The following GUCY1A1 variants were observed in gnomAD, a reference collection of about 807,000 sequenced individuals.
The protein encoded by GUCY1A1 is guanylate cyclase soluble subunit alpha-1.
GUCY1A1 carries 48 observed loss-of-function variants against 64.5 expected under a neutral mutation model. The ratio of observed to expected loss-of-function variants is 0.74; its 90% CI spans 0.59 to 0.95. The LOEUF is 0.95. Among genes scored for constraint, GUCY1A1 ranks in the 40% least tolerant of loss-of-function variants. The pLI is 0.00. For synonymous variants in GUCY1A1, 308 were observed against 303.4 expected, an observed-to-expected ratio of 1.02 and a Z score of -0.16; for missense variants, 804 against 825.3, an observed-to-expected ratio of 0.97 and a Z score of 0.32.
intron 3 of GUCY1A1, 131 bp from the exon 4 acceptor site, chr4:155,703,801 T>C (rs1731392379): frequency 1.6e-6 from 1 of 624,652 alleles, no homozygotes; most frequent in South Asian, 2.0e-5. Flanking sequence ...ATTCATAACA[T>C]TTATCATTCA....
intron 7 of GUCY1A1, 91 bp from the exon 8 acceptor site, chr4:155,717,068 T>A (rs987161551): frequency 7.1e-5 from 66 of 926,066 alleles, no homozygotes; most frequent in Non-Finnish European, 9.9e-5. Context: ...GCAATGAGAA[T>A]TCTGCTATAT....
intron 2 of GUCY1A1, among the ~76,000 whole-genome samples, chr4:155,669,781 A>G (rs1733875726): frequency 6.6e-6 from 1 of 152,182 alleles, no homozygotes. Context: ...ACACATTGAT[A>G]TTGCATAACT....
chr4:155,701,216 G>T lies in GUCY1A1; in HGVS notation c.256-2716G>T, dbSNP rs183440630. On this transcript the variant is annotated intron_variant, in intron 3 of 9. Transcript: ENST00000506455. ...ACAAAAATTTTCCAGAAGAGCAATG[G>T]TATAAGATGAATGTCAATTTCCATA... is the stretch of plus-strand genomic sequence containing the variant. 2.6e-4 allele frequency among the ~76,000 whole-genome samples: 39 copies of T among 152,266 alleles called. 1 individual carries two copies. The highest frequency in any genetic ancestry group is 2.6e-3 in the Admixed American group (39 of 15,294).
intron 3 of GUCY1A1, among the ~76,000 whole-genome samples, chr4:155,700,411 G>A (rs1730930458): frequency 6.6e-6 from 1 of 152,096 alleles, no homozygotes; most frequent in Non-Finnish European, 1.5e-5. Flanking sequence ...AAAACGTTAA[G>A]CACTGTAGGA....
At chr4:155,686,337 C>T (rs1331293525) in intron 2 of GUCY1A1, among the ~76,000 whole-genome samples, 6 of 152,024 alleles carry the variant, frequency 3.9e-5, no homozygotes, top group African/African-American at 1.2e-4. Flanking sequence ...AAAAATTAGC[C>T]GGGCGTGGTG....
intron 7 of GUCY1A1, among the ~76,000 whole-genome samples, chr4:155,716,263 C>T (rs1733219865): frequency 6.6e-6 from 1 of 152,084 alleles, no homozygotes; most frequent in Non-Finnish European, 1.5e-5. Context: ...AGATTTGTGC[C>T]TCCTTTCTTT....
chr4:155,693,340 A>G (rs1730000477), intron 2 of GUCY1A1, among the ~76,000 whole-genome samples: 1 of 152,122 alleles, frequency 6.6e-6, no homozygotes, highest in South Asian at 2.1e-4. Flanking sequence ...CCTGTCGCCA[A>G]ATTTATTATT....
chr4:155,707,783 C>T (rs541974519), intron 4 of GUCY1A1, among the ~76,000 whole-genome samples: 17 of 151,608 alleles, frequency 1.1e-4, no homozygotes, highest in Middle Eastern at 3.4e-3. Flanking sequence ...AATTGATAGT[C>T]AAGATTTGCT....
chr4:155,721,983 G>A (rs1372416586), intron 8 of GUCY1A1, 55 bp from the exon 9 acceptor site: 39 of 1,176,584 alleles, frequency 3.3e-5, no homozygotes, highest in Admixed American at 1.2e-4. Flanking sequence ...CGACACTGAC[G>A]AGTAGGAAGT....
Position 155,710,933 on chromosome 4 carries a change from C to T in GUCY1A1, c.768C>T (p.Ser256=), listed in dbSNP as rs143684863. The T allele has an allele frequency of 2.6e-5, 42 of 1,613,780 alleles. No individual in the cohort carries two copies. The highest frequency in any genetic ancestry group is 3.4e-5 in the Non-Finnish European group (40 of 1,179,822). Residue 256 remains serine (S), a synonymous_variant, in exon 6 of 10, where the codon TCC becomes TCT. Transcript: ENST00000506455. ...TGAATCAGCCCTACTTGTTGTACTC[C>T]GTTCACATGAAAAGCACCAAGCCAT... is the stretch of plus-strand genomic sequence containing the variant. ...EFVNQPYLLY[S]VHMKSTKPSL...
intron 9 of GUCY1A1, among the ~76,000 whole-genome samples, chr4:155,729,073 A>C (rs1735167656): frequency 6.6e-6 from 1 of 151,868 alleles, no homozygotes; most frequent in African/African-American, 2.4e-5. Flanking sequence ...TCTTCAATAC[A>C]TAGATGTTGT....
At chr4:155,718,830 G>C (rs1733598714) in intron 8 of GUCY1A1, among the ~76,000 whole-genome samples, 1 of 152,174 alleles carries the variant, frequency 6.6e-6, no homozygotes, top group African/African-American at 2.4e-5. Flanking sequence ...CTGCCCAGAA[G>C]AGAGAGGGCT....
At position 155,731,425 on chromosome 4, in the gene GUCY1A1, A is replaced by G. The variant is rs1448351481; in HGVS notation, c.*1194A>G. 2 of 151,848 alleles carry G rather than the reference A, an allele frequency of 1.3e-5. No individual in the cohort carries two copies. Among genetic ancestry groups the G allele is most frequent in the African/African-American group, 2.4e-5 (1 of 41,422 alleles). 9.4% of individuals were successfully genotyped at this position (151,848 alleles called of 1,614,324 possible). A position where few individuals can be genotyped will look rare whatever the true frequency, so the allele number is the denominator to read the frequency against. ...TCTACTTGAAATATCTTGACTTAAA[A>G]AAAACGACTGTTAGTATTGATGAAG... On this transcript the variant is annotated 3_prime_UTR_variant, in exon 10 of 10. Coordinates refer to ENST00000506455, the MANE Select transcript of GUCY1A1 (RefSeq NM_001130682.3).
rs746406538 is a variant in GUCY1A1 at position 155,722,158 on chromosome 4, C to A, written c.1837C>A (p.Pro613Thr). Residue 613 changes from proline to threonine, a missense_variant, in exon 9 of 10, where the codon CCA becomes ACA. Physicochemically the swap from Pro to Thr is conservative, Grantham distance 38. Coordinates refer to ENST00000506455, the MANE Select transcript of GUCY1A1 (RefSeq NM_001130682.3). ...LANKFESCSVPRKINVSPTTY... is the reference protein window; with the variant it reads ...LANKFESCSVTRKINVSPTTY... ...TAACAAATTTGAGTCCTGCAGTGTA[C>A]CACGAAAAATCAATGTCAGCCCAAC... is the stretch of plus-strand genomic sequence containing the variant. 1 of 1,612,404 alleles carries A rather than the reference C, an allele frequency of 6.2e-7. No homozygotes were observed. Among genetic ancestry groups the A allele is most frequent in the Admixed American group, 1.7e-5 (1 of 59,920 alleles).
chr4:155,717,109 T>C (rs1733343457), intron 7 of GUCY1A1, 50 bp from the exon 8 acceptor site: 6 of 1,270,262 alleles, frequency 4.7e-6, no homozygotes, highest in Non-Finnish European at 5.3e-6. Context: ...ATGTAGGCTG[T>C]GATTCTTCCT....
rs1735594399 is a variant in GUCY1A1 at position 155,731,921 on chromosome 4, C to G, written c.*1690C>G. 1.3e-5 allele frequency: 2 copies of G among 151,662 alleles called. No homozygotes were observed. The highest frequency in any genetic ancestry group is 6.6e-5 in the Admixed American group (1 of 15,176). 9.4% of individuals were successfully genotyped at this position (151,662 alleles called of 1,614,324 possible). On this transcript the variant is annotated 3_prime_UTR_variant, in exon 10 of 10. Coordinates refer to ENST00000506455, the MANE Select transcript of GUCY1A1 (RefSeq NM_001130682.3). The stretch of plus-strand genomic sequence containing the variant: ...CAGGACTGACTTTGACTCAATAAAC[C>G]ACTCAGCCTATTATTGGAAAGTGCC...
intron 3 of GUCY1A1, among the ~76,000 whole-genome samples, chr4:155,697,566 A>T (rs960641408): frequency 2.0e-5 from 3 of 152,148 alleles, no homozygotes; most frequent in African/African-American, 7.2e-5. Context: ...TTTCTGCTCA[A>T]ATTTTCTCTC....
intron 2 of GUCY1A1, among the ~76,000 whole-genome samples, chr4:155,690,926 A>G (rs1579038103): frequency 6.6e-6 from 1 of 152,220 alleles, no homozygotes; most frequent in East Asian, 1.9e-4. Context: ...GTTGAATAGG[A>G]AGAAAAATGA....
intron 2 of GUCY1A1, chr4:155,667,767 G>A (rs1374040829): frequency 6.6e-6 from 1 of 151,462 alleles, no homozygotes; most frequent in Non-Finnish European, 1.5e-5. Context: ...CCACGGCCAG[G>A]GCGCCTGGGC....
Sources: gnomAD v4.1 joint callset for allele counts (sites outside exome capture counted in the v4.1 genomes callset) on GRCh38, gnomAD v4.1.1 for gene constraint, MANE v1.5 for transcripts, NCBI Gene and HGNC (gene_info 2026-07-23, HGNC 2026-07-21) for gene names.